Variants in SNX3 observed in about 807,000 individuals in gnomAD.
SNX3 encodes sorting nexin 3.
SNX3 carries 5 observed loss-of-function variants against 17.7 expected under a neutral mutation model. The observed-to-expected ratio is 0.28, with a 90% CI of 0.15 to 0.59. SNX3 has a LOEUF of 0.59. SNX3 is among the 20% of genes least tolerant of loss of function. The probability of loss-of-function intolerance (pLI) is 0.88; values close to 1 mark genes in which losing one functional copy is unlikely to be tolerated. For synonymous variants in SNX3, 91 were observed against 76.5 expected, an observed-to-expected ratio of 1.19 and a Z score of -0.99; for missense variants, 132 against 206.8, an observed-to-expected ratio of 0.64 and a Z score of 2.22.
At chr6:108,246,310 A>ATTT (rs1775686876) in intron 1 of SNX3, among the ~76,000 whole-genome samples, 5 of 98,538 alleles carry the variant, frequency 5.1e-5, no homozygotes, top group African/African-American at 1.8e-4. Flanking sequence ...AGCTTTGAGC[A>ATTT]TTCTTTTTTT....
intron 1 of SNX3, among the ~76,000 whole-genome samples, chr6:108,246,561 C>T (rs983936141): frequency 1.3e-5 from 2 of 151,060 alleles, no homozygotes; most frequent in African/African-American, 4.9e-5. Context: ...AACTCCTGAT[C>T]TCTGGTGATC....
At chr6:108,253,240 C>G (rs1256797223) in intron 1 of SNX3, among the ~76,000 whole-genome samples, 1 of 152,012 alleles carries the variant, frequency 6.6e-6, no homozygotes, top group Non-Finnish European at 1.5e-5. Context: ...ATAAAGATTC[C>G]TTTTTTGAGG....
intron 2 of SNX3, among the ~76,000 whole-genome samples, chr6:108,218,741 GAA>G (rs1323524245): frequency 1.3e-5 from 2 of 152,256 alleles, no homozygotes; most frequent in Admixed American, 6.5e-5. Flanking sequence ...CATGTTAAGT[GAA>G]AGAAGCCAGA....
chr6:108,219,037 T>C (rs1251764165), intron 2 of SNX3, among the ~76,000 whole-genome samples: 1 of 152,232 alleles, frequency 6.6e-6, no homozygotes, highest in Non-Finnish European at 1.5e-5. Context: ...ATGTGAATTA[T>C]ATCTCAATAA....
intron 1 of SNX3, among the ~76,000 whole-genome samples, chr6:108,247,316 G>A (rs1055517838): frequency 1.3e-5 from 2 of 151,978 alleles, no homozygotes; most frequent in African/African-American, 4.8e-5. Flanking sequence ...TAAGACAGGA[G>A]GAAACAGGAA....
At chr6:108,256,248 C>T (rs1298178846) in intron 1 of SNX3, among the ~76,000 whole-genome samples, 1 of 152,112 alleles carries the variant, frequency 6.6e-6, no homozygotes, top group Non-Finnish European at 1.5e-5. Context: ...TAAATACATA[C>T]ACAAAGGTTA....
intron 1 of SNX3, among the ~76,000 whole-genome samples, chr6:108,259,919 G>C (rs1776139146): frequency 6.6e-6 from 1 of 152,042 alleles, no homozygotes; most frequent in South Asian, 2.1e-4. Flanking sequence ...TTCCATACAT[G>C]GGCAAATTCT....
chr6:108,212,122 C>A lies in SNX3; in HGVS notation c.*27G>T. 8.3e-7 allele frequency: 1 copy of A among 1,211,250 alleles called. No homozygotes were observed. Among genetic ancestry groups the A allele is most frequent in the Non-Finnish European group, 1.2e-6 (1 of 829,512 alleles). 75.0% of individuals were successfully genotyped at this position (1,211,250 alleles called of 1,614,324 possible). On this transcript the variant is annotated 3_prime_UTR_variant, in exon 4 of 4. Transcript: ENST00000230085. Reference sequence around the variant, plus strand: ...CTGGTGCTTATCAATCATTAATAGTCACGTTTTTGCCCCTTCTTGCCAAAT... The same window carrying A: ...CTGGTGCTTATCAATCATTAATAGTAACGTTTTTGCCCCTTCTTGCCAAAT...
At chr6:108,252,105 A>T (rs1308960172) in intron 1 of SNX3, 1 of 151,764 alleles carries the variant, frequency 6.6e-6, no homozygotes, top group Non-Finnish European at 1.5e-5. Context: ...CAAACAAAAA[A>T]ATGAAGTAGA....
At chr6:108,256,755 A>C (rs1358178476) in intron 1 of SNX3, among the ~76,000 whole-genome samples, 2 of 152,232 alleles carry the variant, frequency 1.3e-5, no homozygotes, top group Non-Finnish European at 2.9e-5. Flanking sequence ...CACAAACTTC[A>C]TAAACAGTGA....
At chr6:108,215,205 C>A (rs771831328) in intron 2 of SNX3, among the ~76,000 whole-genome samples, 21 of 152,152 alleles carry the variant, frequency 1.4e-4, no homozygotes, top group Middle Eastern at 6.8e-3. Context: ...AAAAAATGAG[C>A]CGGGCGTGGT....
chr6:108,245,932 G>A (rs2114754866), intron 1 of SNX3, among the ~76,000 whole-genome samples: 1 of 152,274 alleles, frequency 6.6e-6, no homozygotes, highest in African/African-American at 2.4e-5. Context: ...TTGCTGTGCT[G>A]AAGCTCTTTA....
intron 1 of SNX3, among the ~76,000 whole-genome samples, chr6:108,232,496 C>G (rs1202911310): frequency 6.6e-6 from 1 of 152,060 alleles, no homozygotes; most frequent in Non-Finnish European, 1.5e-5. Context: ...CACAGATACC[C>G]TATATGTTAC....
chr6:108,237,573 TAA>T lies in SNX3; in HGVS notation c.163-14530_163-14529del, dbSNP rs1582493155. ...GGCCGAGGCAGGCGGATCGATCACCTAAAGTCAAGAGCTCGAGACCAGCCTGG... is the reference window on the plus strand; with the variant it reads ...GGCCGAGGCAGGCGGATCGATCACCTAGTCAAGAGCTCGAGACCAGCCTGG... On this transcript the variant is annotated intron_variant, in intron 1 of 3. Coordinates refer to ENST00000230085, the MANE Select transcript of SNX3 (RefSeq NM_003795.6). Among the ~76,000 whole-genome samples the T allele has an allele frequency of 3.3e-5, 5 of 152,114 alleles. No individual in the cohort carries two copies. The East Asian group carries it at 9.7e-4, about 29-fold the overall frequency.
Position 108,212,242 on chromosome 6 carries a change from A to T in SNX3, c.396T>A (p.His132Gln). 1 of 1,607,640 alleles carries T rather than the reference A, an allele frequency of 6.2e-7. No homozygotes were observed. The highest frequency in any genetic ancestry group is 8.5e-7 in the Non-Finnish European group (1 of 1,176,064). The change falls in exon 4 of 4, where the codon CAT (histidine) becomes CAA (glutamine). Residue 132 changes from histidine (H) to glutamine (Q), a missense_variant. Physicochemically the swap from His to Gln is conservative, Grantham distance 24. Transcript: ENST00000230085. ...LEQFINKVAG[H>Q]PLAQNERCLH... ...GACAACGTTCGTTCTGTGCCAGAGG[A>T]TGACCAGCGACCCTGAGAATAAAAA...
chr6:108,222,211 C>T, intron 2 of SNX3: 1 of 1,303,874 alleles, frequency 7.7e-7, no homozygotes, highest in African/African-American at 1.5e-5. Context: ...GGACTCCTAC[C>T]ATACCCACAC....
At chr6:108,242,615 A>T (rs1414274275) in intron 1 of SNX3, among the ~76,000 whole-genome samples, 1 of 152,196 alleles carries the variant, frequency 6.6e-6, no homozygotes, top group African/African-American at 2.4e-5. Flanking sequence ...CTTGGCATAC[A>T]CACCTCCCCT....
intron 1 of SNX3, among the ~76,000 whole-genome samples, chr6:108,237,706 G>A (rs377723709): frequency 6.6e-6 from 1 of 151,450 alleles, no homozygotes; most frequent in Non-Finnish European, 1.5e-5. Context: ...GGAGAATCAC[G>A]TGAACCAGGG....
intron 1 of SNX3, among the ~76,000 whole-genome samples, chr6:108,236,529 G>A (rs1001274014): frequency 2.0e-5 from 3 of 150,098 alleles, no homozygotes; most frequent in Non-Finnish European, 3.0e-5. Context: ...GACTACAGGC[G>A]CCCGCCACTA....
Sources: gnomAD v4.1 joint callset for allele counts (sites outside exome capture counted in the v4.1 genomes callset) on GRCh38, gnomAD v4.1.1 for gene constraint, MANE v1.5 for transcripts, NCBI Gene and HGNC (gene_info 2026-07-23, HGNC 2026-07-21) for gene names.